The following TACR3 variants were observed in gnomAD, a reference collection of about 807,000 sequenced individuals.
TACR3 encodes tachykinin receptor 3, also known as neuromedin-K receptor.
In TACR3, 34 loss-of-function variants were observed where a neutral mutation model predicts 35.0. The observed-to-expected ratio is 0.97, with a 90% CI of 0.74 to 1.30. The LOEUF is 1.30. TACR3 is among the 50% of genes most tolerant of loss of function. The pLI, the probability that TACR3 is intolerant of heterozygous loss-of-function variation, is 0.00. For synonymous variants in TACR3, 233 were observed against 221.1 expected, an observed-to-expected ratio of 1.05 and a Z score of -0.48; for missense variants, 558 against 591.7, an observed-to-expected ratio of 0.94 and a Z score of 0.59.
intron 4 of TACR3, 129 bp downstream of exon 4, chr4:103,591,358 C>A: frequency 4.7e-6 from 5 of 1,053,112 alleles, no homozygotes; most frequent in Non-Finnish European, 7.2e-6. Flanking sequence ...CTGTGCCTCT[C>A]TCAGTGAATT....
intron 1 of TACR3, among the ~76,000 whole-genome samples, chr4:103,683,473 A>C (rs1722148695): frequency 3.8e-5 from 3 of 78,024 alleles, no homozygotes; most frequent in Non-Finnish European, 6.3e-5. Flanking sequence ...GACTGACCAA[A>C]AAAAAAAAAA....
chr4:103,639,143 A>G (rs982936633), intron 3 of TACR3, among the ~76,000 whole-genome samples: 4 of 152,160 alleles, frequency 2.6e-5, no homozygotes, highest in African/African-American at 9.7e-5. Flanking sequence ...ATGCACACGT[A>G]TGTTTATTGC....
At chr4:103,596,136 A>G (rs1380985480) in intron 3 of TACR3, among the ~76,000 whole-genome samples, 2 of 147,604 alleles carry the variant, frequency 1.4e-5, no homozygotes, top group South Asian at 2.1e-4. Flanking sequence ...ACGTTTTCTT[A>G]ATCCAGTCTA....
chr4:103,712,226 C>T lies in TACR3; in HGVS notation c.548+6902G>A, dbSNP rs138982449. ...CAAAAGAACAAAGCTGGAGGCATCA[C>T]GCTACCTGACTTCAAACTATACTAC... On this transcript the variant is annotated intron_variant, in intron 1 of 4. Transcript: ENST00000304883. Among the ~76,000 whole-genome samples the T allele has an allele frequency of 7.2e-3, 1,103 of 152,244 alleles. 14 individuals are homozygous for T. The highest frequency in any genetic ancestry group is 0.025 in the African/African-American group (1,035 of 41,544).
rs537365324 is a variant in TACR3, at chr4:103,656,136, T to C, written c.888+58A>G. On this transcript the variant is annotated intron_variant, in intron 3 of 4. Transcript: ENST00000304883. ...ATTAACATGCCATGACTAGATTGCT[T>C]TTCTTTCTGATATACCATAACCTAT... The C allele has an allele frequency of 1.9e-6, 3 of 1,602,140 alleles. No homozygotes were observed. In the East Asian group the frequency reaches 6.7e-5, roughly 36 times the overall value.
intron 1 of TACR3, among the ~76,000 whole-genome samples, chr4:103,710,969 AT>A (rs1339063942): frequency 6.6e-6 from 1 of 152,226 alleles, no homozygotes; most frequent in East Asian, 1.9e-4. Context: ...GAATATACCA[AT>A]AACAGGCTCT....
chr4:103,702,765 G>A (rs900818384), intron 1 of TACR3, among the ~76,000 whole-genome samples: 1 of 151,852 alleles, frequency 6.6e-6, no homozygotes, highest in Non-Finnish European at 1.5e-5. Context: ...CATGGATGAA[G>A]CTGGAAACCA....
rs116480135 is a variant in TACR3 at position 103,668,297 on chromosome 4, G to A, written c.549-9894C>T. 8.1e-3 allele frequency among the ~76,000 whole-genome samples: 1,233 copies of A among 152,226 alleles called. 20 individuals carry two copies. Among genetic ancestry groups the A allele is most frequent in the African/African-American group, 0.028 (1,180 of 41,524 alleles). On this transcript the variant is annotated intron_variant, in intron 1 of 4. Coordinates refer to ENST00000304883, the MANE Select transcript of TACR3 (RefSeq NM_001059.3). ...TTTCCACTGTACTGTAGTCTATCAA[G>A]TGTGCAATAGCATTATGTCTAAAAA... is the stretch of plus-strand genomic sequence containing the variant.
intron 3 of TACR3, among the ~76,000 whole-genome samples, chr4:103,600,511 G>A (rs553997122): frequency 3.6e-4 from 55 of 152,202 alleles, no homozygotes; most frequent in African/African-American, 1.3e-3. Flanking sequence ...GCTTTTGAAT[G>A]TGTTTGATCT....
chr4:103,598,753 C>T (rs1011383574), intron 3 of TACR3, among the ~76,000 whole-genome samples: 2 of 152,114 alleles, frequency 1.3e-5, no homozygotes, highest in African/African-American at 4.8e-5. Flanking sequence ...TGTCAAAGAT[C>T]AGATATTTGT....
chr4:103,636,774 G>C (rs1381882102), intron 3 of TACR3, among the ~76,000 whole-genome samples: 2 of 152,142 alleles, frequency 1.3e-5, no homozygotes, highest in Non-Finnish European at 2.9e-5. Context: ...CAATCCCACA[G>C]AAATATAAAC....
chr4:103,655,552 C>A (rs1725715957), intron 3 of TACR3, among the ~76,000 whole-genome samples: 1 of 151,900 alleles, frequency 6.6e-6, no homozygotes, highest in Non-Finnish European at 1.5e-5. Flanking sequence ...ATAAAATAAT[C>A]CTAGTAAAAT....
intron 1 of TACR3, among the ~76,000 whole-genome samples, chr4:103,680,512 C>CATAT (rs397932964): frequency 0.068 from 9,945 of 145,740 alleles, 542 homozygotes; most frequent in African/African-American, 0.15. Flanking sequence ...CACACACACA[C>CATAT]ATATATATAT....
chr4:103,714,001 T>C, intron 1 of TACR3, among the ~76,000 whole-genome samples: 1 of 152,098 alleles, frequency 6.6e-6, no homozygotes, highest in East Asian at 1.9e-4. Context: ...GGGAAAATAA[T>C]GAGATTTGAG....
chr4:103,707,924 C>T (rs184779964), intron 1 of TACR3, among the ~76,000 whole-genome samples: 14 of 152,282 alleles, frequency 9.2e-5, no homozygotes, highest in African/African-American at 2.4e-4. Flanking sequence ...AGTCTGAGAT[C>T]GAGCTGCAAG....
intron 1 of TACR3, among the ~76,000 whole-genome samples, chr4:103,701,497 G>A (rs1020842825): frequency 6.6e-6 from 1 of 152,108 alleles, no homozygotes; most frequent in Non-Finnish European, 1.5e-5. Flanking sequence ...TAGATTCAAT[G>A]CCATCCCCAT....
intron 3 of TACR3, among the ~76,000 whole-genome samples, chr4:103,621,221 C>T (rs754668725): frequency 1.4e-4 from 21 of 152,200 alleles, no homozygotes; most frequent in African/African-American, 2.4e-4. Flanking sequence ...AAAGCAGGGA[C>T]GAGTCTTCTG....
At position 103,588,040 on chromosome 4, in the gene TACR3, G is replaced by C. The variant is rs1287761565; in HGVS notation, c.*1642C>G. The C allele has an allele frequency of 6.6e-6, 1 of 151,800 alleles. No homozygotes were observed. Among genetic ancestry groups the C allele is most frequent in the Non-Finnish European group, 1.5e-5 (1 of 67,854 alleles). The allele number at this position is 151,800 out of a possible 1,614,324, so 9.4% of individuals were successfully genotyped here. On this transcript the variant is annotated 3_prime_UTR_variant, in exon 5 of 5. Coordinates refer to ENST00000304883, the MANE Select transcript of TACR3 (RefSeq NM_001059.3). ...GGTATCATCAGAAGAAATTCAGCTG[G>C]AACACATATGTTTAGCTTGTTTAGA...
chr4:103,639,708 G>T (rs1180214475), intron 3 of TACR3, among the ~76,000 whole-genome samples: 1 of 151,882 alleles, frequency 6.6e-6, no homozygotes, highest in African/African-American at 2.4e-5. Context: ...CAGAGAGAAA[G>T]AACACATTCT....
Sources: gnomAD v4.1 joint callset for allele counts (sites outside exome capture counted in the v4.1 genomes callset) on GRCh38, gnomAD v4.1.1 for gene constraint, MANE v1.5 for transcripts, NCBI Gene and HGNC (gene_info 2026-07-23, HGNC 2026-07-21) for gene names.